USP12: variants seen among roughly 807,000 people sequenced by gnomAD.
The protein encoded by USP12 is ubiquitin carboxyl-terminal hydrolase 12.
Under a neutral mutation model 45.5 loss-of-function variants are expected in USP12, and 19 were observed. The observed-to-expected ratio is 0.42, with a 90% CI of 0.29 to 0.61. USP12 has a LOEUF of 0.61. Among genes scored for constraint, USP12 ranks in the 20% least tolerant of loss-of-function variants. The pLI is 0.22. For missense variants in USP12, 242 were observed against 447.7 expected (o/e 0.54, Z 4.15); for synonymous variants, 149 against 148.8 (o/e 1.00, Z -0.01).
intron 1 of USP12, among the ~76,000 whole-genome samples, chr13:27,119,732 A>T (rs2137800227): frequency 6.6e-6 from 1 of 152,382 alleles, no homozygotes; most frequent in East Asian, 1.9e-4. Flanking sequence ...TGCCAAGCCC[A>T]CAATTCAACA....
chr13:27,072,019 C>T (rs1271847563), intron 7 of USP12, among the ~76,000 whole-genome samples: 1 of 152,072 alleles, frequency 6.6e-6, no homozygotes, highest in Non-Finnish European at 1.5e-5. Context: ...AATAAGCCAC[C>T]TACTATAATA....
At chr13:27,155,065 A>AATTTTT (rs1877758146) in intron 1 of USP12, among the ~76,000 whole-genome samples, 1 of 94,688 alleles carries the variant, frequency 1.1e-5, no homozygotes, top group Admixed American at 1.2e-4. Flanking sequence ...GATGTCCACA[A>AATTTTT]CTTTTTTTTT....
chr13:27,105,701 T>G, intron 3 of USP12, 30 bp downstream of exon 3: 1 of 1,591,618 alleles, frequency 6.3e-7, no homozygotes, highest in Non-Finnish European at 8.6e-7. Context: ...CTTCCTAGTA[T>G]GTCATTAATA....
chr13:27,167,666 A>T (rs1473677131), intron 1 of USP12, among the ~76,000 whole-genome samples: 14 of 151,928 alleles, frequency 9.2e-5, no homozygotes, highest in Admixed American at 9.2e-4. Flanking sequence ...CTATTTTACT[A>T]ATAAAATATT....
chr13:27,088,288 C>T (rs1413522925), intron 6 of USP12, among the ~76,000 whole-genome samples: 3 of 152,008 alleles, frequency 2.0e-5, no homozygotes, highest in Non-Finnish European at 4.4e-5. Context: ...TGGTGGCGGG[C>T]GCCTGTAGTC....
In USP12 at chr13:27,102,988, A is replaced by G. The variant is rs74041190; in HGVS notation, c.343+2743T>C. ...CACTGTGCAACAGTCCTCTTATGCT[A>G]TGATTAGGTAACATGAGTTAAAACT... is the stretch of plus-strand genomic sequence containing the variant. On this transcript the variant is annotated intron_variant, in intron 3 of 8. Coordinates refer to ENST00000282344, the MANE Select transcript of USP12 (RefSeq NM_182488.4). 8.5e-3 allele frequency among the ~76,000 whole-genome samples: 1,297 copies of G among 152,372 alleles called. 20 individuals carry two copies. The highest frequency in any genetic ancestry group is 0.03 in the African/African-American group (1,239 of 41,588).
chr13:27,075,253 T>C lies in USP12; in HGVS notation c.870A>G (p.Ser290=). The part of the protein sequence containing the change: ...FPLELRLFNT[S]GDATNPDRMY... ...TTCTGTCTGGATTGGTGGCATCACC[T>C]GAAGTGTTAAACAGACGAAGTTCTA... is the stretch of plus-strand genomic sequence containing the variant. The change falls in exon 7 of 9, where the codon TCA becomes TCG. Residue 290 remains serine, a synonymous_variant. Transcript: ENST00000282344. 1 of 1,614,026 alleles carries C rather than the reference T, an allele frequency of 6.2e-7. No homozygotes were observed. Among genetic ancestry groups the C allele is most frequent in the Non-Finnish European group, 8.5e-7 (1 of 1,179,906 alleles).
intron 1 of USP12, among the ~76,000 whole-genome samples, chr13:27,170,501 T>C (rs1386214208): frequency 6.6e-6 from 1 of 152,230 alleles, no homozygotes. Flanking sequence ...TTTTCGGTGA[T>C]GACTCATAAA....
intron 1 of USP12, among the ~76,000 whole-genome samples, chr13:27,152,277 A>G (rs985284573): frequency 5.9e-5 from 9 of 152,238 alleles, no homozygotes; most frequent in Non-Finnish European, 1.3e-4. Flanking sequence ...ATATCCACAC[A>G]ATGGAACAAT....
At chr13:27,147,713 T>C (rs951689845) in intron 1 of USP12, among the ~76,000 whole-genome samples, 3 of 152,008 alleles carry the variant, frequency 2.0e-5, no homozygotes, top group Non-Finnish European at 2.9e-5. Context: ...AGCAGAAACC[T>C]GGTAGCTATG....
At chr13:27,082,088 G>C (rs548779493) in intron 6 of USP12, among the ~76,000 whole-genome samples, 2 of 152,316 alleles carry the variant, frequency 1.3e-5, no homozygotes, top group East Asian at 3.9e-4. Context: ...GCTAACCAGA[G>C]AATCAGCCTG....
chr13:27,103,607 A>AAAAAAAATAATAATAAT (rs372985958), intron 3 of USP12, among the ~76,000 whole-genome samples: 1 of 128,516 alleles, frequency 7.8e-6, no homozygotes, highest in Non-Finnish European at 1.6e-5. Flanking sequence ...TCAAAAAAAA[A>AAAAAAAATAATAATAAT]AATAATAATA....
At chr13:27,133,626 CAAAAAAAA>C (rs11365356) in intron 1 of USP12, among the ~76,000 whole-genome samples, 1 of 103,424 alleles carries the variant, frequency 9.7e-6, no homozygotes, top group South Asian at 3.1e-4. Flanking sequence ...GACTCTGTCT[CAAAAAAAA>C]AAAAAAAAAA....
chr13:27,106,698 C>T lies in USP12; in HGVS notation c.130-754G>A, dbSNP rs577094711. ...GTGATATCAAATGTATGTCCATAGA[C>T]CATTTATTTTTTTTAAAAAAATGAG... On this transcript the variant is annotated intron_variant, in intron 2 of 8. Coordinates refer to ENST00000282344, the MANE Select transcript of USP12 (RefSeq NM_182488.4). 8.6e-5 allele frequency among the ~76,000 whole-genome samples: 13 copies of T among 151,056 alleles called. No homozygotes were observed. The South Asian group carries it at 2.7e-3, about 32-fold the overall frequency.
intron 2 of USP12, 56 bp downstream of exon 2, chr13:27,116,460 T>A (rs1875746756): frequency 1.3e-6 from 2 of 1,534,802 alleles, no homozygotes; most frequent in African/African-American, 1.4e-5. Flanking sequence ...AATGCATTCA[T>A]CGTTTTTAAA....
chr13:27,139,971 C>A (rs1876984163), intron 1 of USP12, among the ~76,000 whole-genome samples: 1 of 152,154 alleles, frequency 6.6e-6, no homozygotes, highest in African/African-American at 2.4e-5. Flanking sequence ...AAAGGTTCTA[C>A]TAATTACCCT....
intron 4 of USP12, among the ~76,000 whole-genome samples, chr13:27,093,012 CATGGAG>C (rs1395394728): frequency 6.6e-6 from 1 of 152,088 alleles, no homozygotes; most frequent in Non-Finnish European, 1.5e-5. Context: ...GCCTGACCAA[CATGGAG>C]AAACCCTGTC....
rs1035169699 is a variant in USP12 at position 27,089,682 on chromosome 13, T to C, written c.734+201A>G. 5 of 541,752 alleles carry C rather than the reference T, an allele frequency of 9.2e-6. No homozygotes were observed. The East Asian group carries it at 1.2e-4, about 13-fold the overall frequency. The allele number at this position is 541,752 out of a possible 1,614,324, so 33.6% of individuals were successfully genotyped here. On this transcript the variant is annotated intron_variant, in intron 6 of 8. Coordinates refer to ENST00000282344, the MANE Select transcript of USP12 (RefSeq NM_182488.4). ...ATAATCGCTAGACATAGGAAATCACTTCAGGGTACACAGTTTTTGTAAAAT... is the reference window on the plus strand; with the variant it reads ...ATAATCGCTAGACATAGGAAATCACCTCAGGGTACACAGTTTTTGTAAAAT...
At chr13:27,074,907 C>A (rs1054077617) in intron 7 of USP12, among the ~76,000 whole-genome samples, 15 of 151,740 alleles carry the variant, frequency 9.9e-5, no homozygotes, top group African/African-American at 3.6e-4. Flanking sequence ...ATACACACAC[C>A]CCAAAAAAGG....
Sources: gnomAD v4.1 joint callset for allele counts (sites outside exome capture counted in the v4.1 genomes callset) on GRCh38, gnomAD v4.1.1 for gene constraint, MANE v1.5 for transcripts, NCBI Gene and HGNC (gene_info 2026-07-23, HGNC 2026-07-21) for gene names.